TCF4: variants seen among roughly 807,000 people sequenced by gnomAD.
TCF4 encodes SL3-3 enhancer factor 2.
Under a neutral mutation model 82.1 loss-of-function variants are expected in TCF4, and 3 were observed. The ratio of observed to expected loss-of-function variants is 0.04; its 90% confidence interval spans 0.02 to 0.09. The LOEUF (loss-of-function observed/expected upper bound fraction) is 0.09, where lower values mean the gene tolerates loss of function less well. TCF4 is among the 10% of genes least tolerant of loss of function. The pLI, the probability that TCF4 is intolerant of heterozygous loss-of-function variation, is 1.00. For missense variants in TCF4, 518 were observed against 852.7 expected, an observed-to-expected ratio of 0.61 and a Z score of 4.89; for synonymous variants, 276 against 309.6, an observed-to-expected ratio of 0.89 and a Z score of 1.14.
At chr18:55,486,194 T>C (rs2096512175) in intron 3 of TCF4, among the ~76,000 whole-genome samples, 1 of 152,238 alleles carries the variant, frequency 6.6e-6, no homozygotes, top group African/African-American at 2.4e-5. Flanking sequence ...GAAAAAGTTT[T>C]AAGTTTAAGC....
intron 6 of TCF4, among the ~76,000 whole-genome samples, chr18:55,385,375 C>A (rs989700704): frequency 4.1e-4 from 63 of 152,192 alleles, no homozygotes; most frequent in African/African-American, 1.5e-3. Context: ...GCCTGCCATA[C>A]CCAAAAGAAA....
At chr18:55,537,506 C>T (rs1452034131) in intron 3 of TCF4, among the ~76,000 whole-genome samples, 1 of 151,826 alleles carries the variant, frequency 6.6e-6, no homozygotes. Flanking sequence ...GGGAGGATCA[C>T]TTGAGCCCAG....
chr18:55,323,666 T>C (rs1204687455), intron 8 of TCF4, among the ~76,000 whole-genome samples: 2 of 152,210 alleles, frequency 1.3e-5, no homozygotes, highest in East Asian at 1.9e-4. Context: ...ATCACATTTG[T>C]AACCTTTAAA....
exon 1 of TCF4, chr18:55,635,834 TGATGAA>T (rs2097735861): frequency 6.4e-7 from 1 of 1,561,524 alleles, no homozygotes; most frequent in African/African-American, 1.4e-5. Flanking sequence ...TTTGTCAAAA[TGATGAA>T]GATGAAGGGA....
chr18:55,602,474 G>A (rs2097698126), intron 2 of TCF4, among the ~76,000 whole-genome samples: 1 of 152,166 alleles, frequency 6.6e-6, no homozygotes, highest in Non-Finnish European at 1.5e-5. Context: ...ACAGTGATGT[G>A]TATTTAGGGA....
At chr18:55,372,463 C>A in intron 6 of TCF4, among the ~76,000 whole-genome samples, 1 of 150,276 alleles carries the variant, frequency 6.7e-6, no homozygotes, top group African/African-American at 2.5e-5. Flanking sequence ...CAAGGCAAGC[C>A]AGAACAAAAA....
intron 8 of TCF4, among the ~76,000 whole-genome samples, chr18:55,341,402 ACATGGAATAAGTACTCTGG>A (rs1401212626): frequency 1.3e-5 from 2 of 152,228 alleles, no homozygotes; most frequent in Non-Finnish European, 2.9e-5. Context: ...ACCACTTAGA[ACATGGAATAAGTACTCTGG>A]CATGGAATAA....
rs773663759 is a variant in TCF4, at chr18:55,234,586, G to C, written c.1448C>G (p.Thr483Ser). The C allele has an allele frequency of 1.7e-5, 28 of 1,614,034 alleles. No homozygotes were observed. Among genetic ancestry groups the C allele is most frequent in the Non-Finnish European group, 2.4e-5 (28 of 1,180,016 alleles). The change falls in exon 16 of 20, where the codon ACT becomes AGT. Residue 483 changes from threonine (T) to serine (S), a missense_variant. Thr to Ser is a moderately conservative substitution (Grantham distance 58). This residue lies in a region of TCF4 where 144 missense variants were observed against 190.2 expected (regional missense o/e 0.76). Transcript: ENST00000354452. ...PVPQLPVQSA[T>S]SPDLNPPQDP... The stretch of plus-strand genomic sequence containing the variant: ...CTGGGGTGGGTTCAGGTCAGGGGAA[G>C]TCGCAGACTGGACAGGAAGCTGTGG...
intron 3 of TCF4, among the ~76,000 whole-genome samples, chr18:55,559,498 G>A (rs2097336388): frequency 6.6e-6 from 1 of 152,066 alleles, no homozygotes; most frequent in South Asian, 2.1e-4. Context: ...TAACCAAACA[G>A]TAGGGCAAGA....
intron 6 of TCF4, among the ~76,000 whole-genome samples, chr18:55,353,894 A>G (rs1008908351): frequency 5.9e-5 from 9 of 152,178 alleles, no homozygotes; most frequent in Admixed American, 2.0e-4. Flanking sequence ...AACTACATCT[A>G]CTTTCAAAAT....
chr18:55,488,838 G>C (rs1376966314), intron 3 of TCF4, among the ~76,000 whole-genome samples: 3 of 152,166 alleles, frequency 2.0e-5, no homozygotes, highest in Non-Finnish European at 4.4e-5. Flanking sequence ...AGAAGTCAAA[G>C]GGAGAAAAGA....
intron 6 of TCF4, chr18:55,400,849 C>T: frequency 1.4e-6 from 1 of 697,882 alleles, no homozygotes; most frequent in Non-Finnish European, 2.1e-6. Context: ...TAGCACTGCT[C>T]ACCCCTTTAA....
Position 55,223,852 on chromosome 18 carries a change from TAC to T in TCF4, c.*4181_*4182del, listed in dbSNP as rs1347417248. The T allele has an allele frequency of 2.0e-5, 3 of 152,146 alleles. No homozygotes were observed. Among genetic ancestry groups the T allele is most frequent in the African/African-American group, 7.3e-5 (3 of 41,338 alleles). 9.4% of individuals were successfully genotyped at this position (152,146 alleles called of 1,614,324 possible). ...AAAAAACAAACAAAAAAGCTACCCA[TAC>T]AGTTTCATCTTGGTAACACATGGTA... On this transcript the variant is annotated 3_prime_UTR_variant, in exon 20 of 20. Transcript: ENST00000354452.
rs184208507 is a variant in TCF4, at chr18:55,253,782, A to T, written c.1350+715T>A. 4.9e-3 allele frequency among the ~76,000 whole-genome samples: 728 copies of T among 148,944 alleles called. 3 individuals are homozygous for T. Among genetic ancestry groups the T allele is most frequent in the Non-Finnish European group, 8.5e-3 (573 of 67,086 alleles). On this transcript the variant is annotated intron_variant, in intron 15 of 19. Transcript: ENST00000354452. ...AGACACTATTTTGGCTTCTTTAATT[A>T]AAAAAAAAACACTAATATTTGAATT...
chr18:55,270,549 T>C (rs140620616), intron 10 of TCF4, among the ~76,000 whole-genome samples: 1 of 152,170 alleles, frequency 6.6e-6, no homozygotes, highest in Non-Finnish European at 1.5e-5. Flanking sequence ...TATGTAACTA[T>C]TGACTATACT....
chr18:55,555,255 C>T (rs1306344839), intron 3 of TCF4, among the ~76,000 whole-genome samples: 2 of 152,124 alleles, frequency 1.3e-5, no homozygotes, highest in African/African-American at 4.8e-5. Flanking sequence ...AAATCTCATA[C>T]TACAAATTCA....
intron 2 of TCF4, chr18:55,585,996 A>G: frequency 7.5e-7 from 1 of 1,335,900 alleles, no homozygotes; most frequent in Non-Finnish European, 9.7e-7. Flanking sequence ...GAGCCTGCAA[A>G]AAGCAAAGGA....
chr18:55,455,219 A>G (rs1280267165), intron 5 of TCF4, among the ~76,000 whole-genome samples: 1 of 150,464 alleles, frequency 6.6e-6, no homozygotes, highest in Non-Finnish European at 1.5e-5. Context: ...GAAAAAGAAG[A>G]AGGAGAAGTA....
intron 8 of TCF4, among the ~76,000 whole-genome samples, chr18:55,336,407 T>C (rs1477215579): frequency 2.0e-5 from 3 of 152,074 alleles, no homozygotes; most frequent in African/African-American, 7.2e-5. Context: ...TGCACGTGGG[T>C]CATTTTATGA....
Sources: allele counts gnomAD v4.1 joint callset (sites outside exome capture counted in the v4.1 genomes callset), GRCh38; gene constraint gnomAD v4.1.1; regional missense constraint gnomAD v4.1.1; transcripts MANE v1.5; gene names NCBI Gene and HGNC (gene_info 2026-07-23, HGNC 2026-07-21).